Variants in CEP350 observed in about 807,000 individuals in gnomAD.
CEP350 encodes the protein centrosome-associated protein 350.
CEP350 carries 126 observed loss-of-function variants against 331.8 expected under a neutral mutation model. The ratio of observed to expected loss-of-function variants is 0.38; its 90% confidence interval spans 0.33 to 0.44. The LOEUF (loss-of-function observed/expected upper bound fraction) is 0.44, where lower values mean the gene tolerates loss of function less well. Among genes scored for constraint, CEP350 ranks in the 20% least tolerant of loss-of-function variants. The probability of loss-of-function intolerance (pLI) is 1.00; values close to 1 mark genes in which losing one functional copy is unlikely to be tolerated. For missense variants in CEP350, 3,406 were observed against 3,634.6 expected, an observed-to-expected ratio of 0.94 and a Z score of 1.62; for synonymous variants, 1,200 against 1,259.5, an observed-to-expected ratio of 0.95 and a Z score of 1.00.
At chr1:180,054,767 A>T (rs1470949814) in intron 25 of CEP350, among the ~76,000 whole-genome samples, 3 of 152,176 alleles carry the variant, frequency 2.0e-5, no homozygotes, top group Non-Finnish European at 4.4e-5. Context: ...AGAAGAAAAT[A>T]CTCTTTTGAA....
chr1:180,074,238 T>C (rs1487431590), intron 27 of CEP350, among the ~76,000 whole-genome samples: 1 of 152,184 alleles, frequency 6.6e-6, no homozygotes, highest in Non-Finnish European at 1.5e-5. Flanking sequence ...TTGAAGATGG[T>C]TTATTAGTAG....
intron 27 of CEP350, among the ~76,000 whole-genome samples, chr1:180,067,655 C>T (rs1029215159): frequency 3.3e-5 from 5 of 152,140 alleles, no homozygotes; most frequent in African/African-American, 9.7e-5. Flanking sequence ...TGCCGCCATA[C>T]TCCAGCCTGG....
chr1:180,010,340 T>G (rs1654544904), intron 8 of CEP350, among the ~76,000 whole-genome samples: 1 of 151,772 alleles, frequency 6.6e-6, no homozygotes, highest in South Asian at 2.1e-4. Context: ...AATTTCTGTT[T>G]GTTGGATCAT....
At chr1:180,005,817 C>T (rs1334301443) in intron 7 of CEP350, among the ~76,000 whole-genome samples, 1 of 152,110 alleles carries the variant, frequency 6.6e-6, no homozygotes, top group Non-Finnish European at 1.5e-5. Flanking sequence ...AGGTATGGTC[C>T]TGCTTTAAGG....
Position 180,034,057 on chromosome 1 carries a change from G to A in CEP350, c.3921G>A (p.Thr1307=), listed in dbSNP as rs115595651. The A allele has an allele frequency of 9.1e-5, 147 of 1,613,672 alleles. No individual in the cohort carries two copies. In the African/African-American group the frequency reaches 1.7e-3, roughly 19 times the overall value. ...TGAACCCGGCAGCCAGCAGAACAAC[G>A]ACAGAGAACATGGCTCCAATACCAG... ...TDLNPAASRT[T]TENMAPIPGS... Residue 1307 remains threonine (T), a synonymous_variant, in exon 16 of 38, where the codon ACG becomes ACA. Transcript: ENST00000367607.
intron 1 of CEP350, among the ~76,000 whole-genome samples, chr1:179,955,864 A>G (rs1650135222): frequency 6.6e-6 from 1 of 152,240 alleles, no homozygotes; most frequent in African/African-American, 2.4e-5. Flanking sequence ...ATAGTGATCA[A>G]TATCCATGTA....
At chr1:179,968,246 G>A (rs375572824) in intron 1 of CEP350, among the ~76,000 whole-genome samples, 1 of 151,524 alleles carries the variant, frequency 6.6e-6, no homozygotes, top group East Asian at 1.9e-4. Flanking sequence ...CAAGAGAATC[G>A]CTTGATCCCG....
chr1:179,977,893 T>C (rs1486247219), intron 1 of CEP350, among the ~76,000 whole-genome samples: 26 of 151,536 alleles, frequency 1.7e-4, no homozygotes, highest in Admixed American at 1.7e-3. Flanking sequence ...TGTAAGCTTT[T>C]GTTCAATTTA....
At chr1:180,001,618 TG>T (rs1053966661) in intron 6 of CEP350, among the ~76,000 whole-genome samples, 167 of 152,324 alleles carry the variant, frequency 1.1e-3, no homozygotes, top group Admixed American at 1.5e-3. Flanking sequence ...AAATCCCATA[TG>T]TGTAAGGTTT....
intron 4 of CEP350, among the ~76,000 whole-genome samples, chr1:179,991,445 G>C (rs904193357): frequency 6.7e-6 from 1 of 149,376 alleles, no homozygotes; most frequent in African/African-American, 2.5e-5. Context: ...CCGCGCCACC[G>C]GGCCTTTCTA....
chr1:179,975,569 A>G (rs1651796714), intron 1 of CEP350, among the ~76,000 whole-genome samples: 1 of 152,114 alleles, frequency 6.6e-6, no homozygotes, highest in Non-Finnish European at 1.5e-5. Flanking sequence ...TATGAGGCAT[A>G]TTTTACATAT....
At chr1:179,970,363 T>G (rs1373879114) in intron 1 of CEP350, among the ~76,000 whole-genome samples, 1 of 152,206 alleles carries the variant, frequency 6.6e-6, no homozygotes, top group Admixed American at 6.5e-5. Flanking sequence ...TATTAGAATA[T>G]GTTATAGGAC....
In CEP350 at chr1:179,987,239, G is replaced by C. The variant is rs760234634; in HGVS notation, c.74-1G>C. The C allele has an allele frequency of 8.6e-6, 13 of 1,512,866 alleles. No homozygotes were observed. In the East Asian group the frequency reaches 3.0e-4, roughly 35 times the overall value. 93.7% of individuals were successfully genotyped at this position (1,512,866 alleles called of 1,614,324 possible). A position where few individuals can be genotyped will look rare whatever the true frequency, so the allele number is the denominator to read the frequency against. ...AAAGTAAATATCATTTTTTTTCCCA[G>C]CAGATATAACCACATCGTGGGATGC... On this transcript the variant is annotated splice_acceptor_variant, in intron 2 of 37. Transcript: ENST00000367607. LOFTEE classifies it high-confidence loss of function.
intron 21 of CEP350, 100 bp downstream of exon 21, chr1:180,044,273 A>C (rs1358109156): frequency 1.6e-6 from 2 of 1,238,422 alleles, no homozygotes; most frequent in Non-Finnish European, 2.1e-6. Flanking sequence ...TTATTTAAAT[A>C]GAACAGTGTG....
chr1:180,002,951 G>T (rs771559945), intron 6 of CEP350, among the ~76,000 whole-genome samples: 1 of 152,164 alleles, frequency 6.6e-6, no homozygotes, highest in Non-Finnish European at 1.5e-5. Context: ...TATGAGGAGT[G>T]ACTGCTAATA....
chr1:180,094,535 A>G lies in CEP350; in HGVS notation c.8430A>G (p.Pro2810=). 1 of 1,613,964 alleles carries G rather than the reference A, an allele frequency of 6.2e-7. No individual in the cohort carries two copies. The part of the protein sequence containing the change: ...DLSQNVEEQS[P]SISGCFLSSE... ...CCCAAAATGTTGAGGAACAGTCGCC[A>G]AGTATTTCAGGTTGCTTCTTAAGTT... The change falls in exon 34 of 38, where the codon CCA becomes CCG. Residue 2810 remains proline (P), a synonymous_variant. Transcript: ENST00000367607.
intron 31 of CEP350, among the ~76,000 whole-genome samples, chr1:180,085,218 C>A (rs1037334087): frequency 6.6e-6 from 1 of 151,810 alleles, no homozygotes; most frequent in Non-Finnish European, 1.5e-5. Context: ...ATTTGAATAG[C>A]TTCTAATTGA....
At chr1:180,073,906 C>CAGGT in intron 27 of CEP350, 2 of 1,304,730 alleles carry the variant, frequency 1.5e-6, no homozygotes, top group Non-Finnish European at 2.0e-6. Context: ...ACCAGTTGGT[C>CAGGT]AGGTAACTTT....
At position 180,063,186 on chromosome 1, in the gene CEP350, CTTTTTTTTTT is replaced by C. The variant is rs35572192; in HGVS notation, c.5409+832_5409+841del. Among the ~76,000 whole-genome samples, 6 of 106,966 alleles carry C rather than the reference CTTTTTTTTTT, an allele frequency of 5.6e-5. No individual in the cohort carries two copies. The Admixed American group carries it at 6.9e-4, about 12-fold the overall frequency. The allele number at this position is 106,966 out of a possible 152,430, so 70.2% of individuals were successfully genotyped here. On this transcript the variant is annotated intron_variant, in intron 26 of 37. Transcript: ENST00000367607. ...TATTAGACAAAAACAAAATTTGAAA[CTTTTTTTTTT>C]TTTTTTTTTTTGGAGACACGGTCTC... is the stretch of plus-strand genomic sequence containing the variant.
Sources: allele counts gnomAD v4.1 joint callset (sites outside exome capture counted in the v4.1 genomes callset), GRCh38; gene constraint gnomAD v4.1.1; transcripts MANE v1.5; gene names NCBI Gene and HGNC (gene_info 2026-07-23, HGNC 2026-07-21).